BIN1: variants seen among roughly 807,000 people sequenced by gnomAD.
The protein encoded by BIN1 is myc box-dependent-interacting protein 1.
Under a neutral mutation model 82.0 loss-of-function variants are expected in BIN1, and 53 were observed. That is an observed-to-expected ratio of 0.65 (90% confidence interval 0.52 to 0.81). BIN1 has a LOEUF of 0.81. BIN1 is among the 40% of genes least tolerant of loss of function. BIN1 has a pLI of 0.00. For missense variants in BIN1, 642 were observed against 784.4 expected, an observed-to-expected ratio of 0.82 and a Z score of 2.17; for synonymous variants, 302 against 328.0, an observed-to-expected ratio of 0.92 and a Z score of 0.86.
In BIN1 at chr2:127,065,314, G is replaced by T. The variant is rs1046331327; in HGVS notation, c.613-1296C>A. Reference sequence around the variant, plus strand: ...AAGGCAGAATGGGGAGCGGGGGGTGGGGAAGAATGTCTATTCCAACATGCA... The same window carrying T: ...AAGGCAGAATGGGGAGCGGGGGGTGTGGAAGAATGTCTATTCCAACATGCA... On this transcript the variant is annotated intron_variant, in intron 7 of 18. Transcript: ENST00000316724. Among the ~76,000 whole-genome samples, 9 of 152,232 alleles carry T rather than the reference G, an allele frequency of 5.9e-5. No individual in the cohort carries two copies. In the East Asian group the frequency reaches 1.7e-3, roughly 29 times the overall value.
intron 1 of BIN1, among the ~76,000 whole-genome samples, chr2:127,094,950 G>A (rs1296885492): frequency 6.6e-6 from 1 of 152,202 alleles, no homozygotes; most frequent in Non-Finnish European, 1.5e-5. Context: ...CAGGCCCATG[G>A]TTCACCAGAC....
At chr2:127,078,421 G>A (rs1686891209) in intron 1 of BIN1, among the ~76,000 whole-genome samples, 1 of 152,204 alleles carries the variant, frequency 6.6e-6, no homozygotes, top group African/African-American at 2.4e-5. Context: ...AGCTCAGACA[G>A]AGGGGAGAGG....
intron 1 of BIN1, among the ~76,000 whole-genome samples, chr2:127,096,143 G>A (rs1040379263): frequency 6.6e-6 from 1 of 151,890 alleles, no homozygotes; most frequent in Non-Finnish European, 1.5e-5. Context: ...TCCAGCCTCG[G>A]CCCCACCTGC....
In BIN1 at chr2:127,100,999, C is replaced by CGGG. The variant is rs1553487375; in HGVS notation, c.84+5858_84+5860dup. ...AGACTTGCCCAAGGGTAGGAATGTGCGGGGGGTGGGGATAGACTCAAACTC... is the reference window on the plus strand; with the variant it reads ...AGACTTGCCCAAGGGTAGGAATGTGCGGGGGGGGGTGGGGATAGACTCAAACTC... On this transcript the variant is annotated intron_variant, in intron 1 of 18. Coordinates refer to ENST00000316724, the MANE Select transcript of BIN1 (RefSeq NM_139343.3). 4.5e-4 allele frequency among the ~76,000 whole-genome samples: 46 copies of CGGG among 101,642 alleles called. 1 individual carries two copies. Among genetic ancestry groups the CGGG allele is most frequent in the African/African-American group, 1.8e-3 (36 of 20,130 alleles). 66.7% of individuals were successfully genotyped at this position (101,642 alleles called of 152,430 possible).
intron 1 of BIN1, among the ~76,000 whole-genome samples, chr2:127,077,992 G>C (rs1686829501): frequency 1.3e-5 from 2 of 152,242 alleles, no homozygotes; most frequent in African/African-American, 4.8e-5. Flanking sequence ...CCCAGCATCT[G>C]CTGAGGCCAG....
chr2:127,060,689 G>A (rs1684332497), intron 10 of BIN1: 2 of 1,609,978 alleles, frequency 1.2e-6, no homozygotes, highest in Non-Finnish European at 1.7e-6. Context: ...AGAAAGGCCA[G>A]GTGCAGAACT....
chr2:127,107,108 G>A lies in BIN1; in HGVS notation c.-165C>T, dbSNP rs961239503. On this transcript the variant is annotated 5_prime_UTR_variant, in exon 1 of 19. Coordinates refer to ENST00000316724, the MANE Select transcript of BIN1 (RefSeq NM_139343.3). This position sits in a 1 kb window ranked among gnomAD's most constrained non-coding sequence, Gnocchi z 5.9. Reference sequence around the variant, plus strand: ...GACGGAGGCGGAGCGTGCGCCGGACGGGCGAGCGAGCCAGCGAGCTAGCCA... The same window carrying A: ...GACGGAGGCGGAGCGTGCGCCGGACAGGCGAGCGAGCCAGCGAGCTAGCCA... 7.0e-6 allele frequency: 5 copies of A among 709,552 alleles called. No homozygotes were observed. The South Asian group carries it at 1.2e-4, about 17-fold the overall frequency. 44.0% of individuals were successfully genotyped at this position (709,552 alleles called of 1,614,324 possible). A position where few individuals can be genotyped will look rare whatever the true frequency, so the allele number is the denominator to read the frequency against.
rs565760999 is a variant in BIN1, at chr2:127,069,125, G to A, written c.412-94C>T. 9.8e-5 allele frequency: 116 copies of A among 1,178,040 alleles called. No homozygotes were observed. The African/African-American group carries it at 1.6e-3, about 17-fold the overall frequency. 73.0% of individuals were successfully genotyped at this position (1,178,040 alleles called of 1,614,324 possible). ...CCTGGAGGGACCCGCAGGGCGGGCA[G>A]GAGACCCCAGCTCCACAGGAACCCT... On this transcript the variant is annotated intron_variant, in intron 5 of 18. Coordinates refer to ENST00000316724, the MANE Select transcript of BIN1 (RefSeq NM_139343.3).
Position 127,090,595 on chromosome 2 carries a change from T to A in BIN1, c.85-13889A>T, listed in dbSNP as rs1678794787. 6.6e-6 allele frequency among the ~76,000 whole-genome samples: 1 copy of A among 152,088 alleles called. No individual in the cohort carries two copies. The highest frequency in any genetic ancestry group is 1.5e-5 in the Non-Finnish European group (1 of 68,012). The stretch of plus-strand genomic sequence containing the variant: ...AATCTGCTTCTCCAGCCCACCCGCC[T>A]CCCACCCTCATCACCTGCTTCCTGA... On this transcript the variant is annotated intron_variant, in intron 1 of 18. Transcript: ENST00000316724. This position sits in a 1 kb window ranked among gnomAD's most constrained non-coding sequence, Gnocchi z 6.4.
chr2:127,056,010 C>T (rs926942595), intron 12 of BIN1: 2 of 152,250 alleles, frequency 1.3e-5, no homozygotes, highest in African/African-American at 4.8e-5. Context: ...CGGGTGGTCT[C>T]TGCACCACCT....
intron 7 of BIN1, among the ~76,000 whole-genome samples, chr2:127,065,626 TG>T (rs1366211595): frequency 6.6e-6 from 1 of 152,162 alleles, no homozygotes; most frequent in Non-Finnish European, 1.5e-5. Flanking sequence ...ACCCGGCTCC[TG>T]TACCCACTAG....
chr2:127,088,733 T>G (rs1200474446), intron 1 of BIN1, among the ~76,000 whole-genome samples: 1 of 146,640 alleles, frequency 6.8e-6, no homozygotes, highest in Admixed American at 6.9e-5. Flanking sequence ...AGCAAGACCG[T>G]ATCTCTTAAA....
Position 127,070,915 on chromosome 2 carries a change from TCTC to T in BIN1, c.166-102_166-100del, listed in dbSNP as rs898776408. ...CCCTCACGTGAATGAACCAGGCTGC[TCTC>T]CTGACAGCAGCCACTGATCAGCTGA... On this transcript the variant is annotated intron_variant, in intron 2 of 18. Transcript: ENST00000316724. The T allele has an allele frequency of 4.0e-6, 5 of 1,235,256 alleles. No individual in the cohort carries two copies. The African/African-American group carries it at 7.6e-5, about 19-fold the overall frequency. 76.5% of individuals were successfully genotyped at this position (1,235,256 alleles called of 1,614,324 possible).
chr2:127,094,999 G>T lies in BIN1; in HGVS notation c.84+11861C>A, dbSNP rs73953233. Among the ~76,000 whole-genome samples the T allele has an allele frequency of 1.7e-3, 262 of 152,318 alleles. 1 individual carries two copies. The highest frequency in any genetic ancestry group is 5.9e-3 in the African/African-American group (244 of 41,578). On this transcript the variant is annotated intron_variant, in intron 1 of 18. Coordinates refer to ENST00000316724, the MANE Select transcript of BIN1 (RefSeq NM_139343.3). ...TGGGCGGGTCAACTCGGGGAAGGCG[G>T]TGACATTCCAGCTCAGCCAGGCTGC... is the stretch of plus-strand genomic sequence containing the variant.
At chr2:127,096,104 C>T (rs1679571088) in intron 1 of BIN1, among the ~76,000 whole-genome samples, 1 of 152,202 alleles carries the variant, frequency 6.6e-6, no homozygotes, top group African/African-American at 2.4e-5. Flanking sequence ...CACCTCCACC[C>T]CCAGCCCTGT....
At chr2:127,049,615 G>A (rs1227625584) in intron 18 of BIN1, among the ~76,000 whole-genome samples, 1 of 152,220 alleles carries the variant, frequency 6.6e-6, no homozygotes, top group Non-Finnish European at 1.5e-5. Context: ...CAGGCCCTCT[G>A]TGCACAGCCC....
chr2:127,057,149 A>G lies in BIN1; in HGVS notation c.1131+324T>C, dbSNP rs3754620. 0.32 allele frequency among the ~76,000 whole-genome samples: 49,158 copies of G among 152,188 alleles called. 11,481 individuals are homozygous for G. Among genetic ancestry groups the G allele is most frequent in the African/African-American group, 0.67 (27,747 of 41,512 alleles). Reference sequence around the variant, plus strand: ...CCTGGCCCTGGAAGCCTTCCCTGACAGCCACACGTCCTCCACACTCCCCGA... The same window carrying G: ...CCTGGCCCTGGAAGCCTTCCCTGACGGCCACACGTCCTCCACACTCCCCGA... On this transcript the variant is annotated intron_variant, in intron 12 of 18. Transcript: ENST00000316724. The surrounding 1 kb of genome is among the most constrained non-coding windows in gnomAD (Gnocchi z 5.0).
At position 127,067,632 on chromosome 2, in the gene BIN1, A is replaced by G. The variant is rs1685315831; in HGVS notation, c.612+531T>C. Among the ~76,000 whole-genome samples the G allele has an allele frequency of 6.6e-6, 1 of 152,206 alleles. No homozygotes were observed. The highest frequency in any genetic ancestry group is 2.1e-4 in the South Asian group (1 of 4,836). ...CTCCAGAGTCACCACGGGGACCACAAGTCCGAGGAAAATGACGCAGGGGCT... is the reference window on the plus strand; with the variant it reads ...CTCCAGAGTCACCACGGGGACCACAGGTCCGAGGAAAATGACGCAGGGGCT... On this transcript the variant is annotated intron_variant, in intron 7 of 18. Coordinates refer to ENST00000316724, the MANE Select transcript of BIN1 (RefSeq NM_139343.3). This position sits in a 1 kb window ranked among gnomAD's most constrained non-coding sequence, Gnocchi z 4.7.
In BIN1 at chr2:127,090,079, C is replaced by T. The variant is rs1240463326; in HGVS notation, c.85-13373G>A. 1.3e-5 allele frequency among the ~76,000 whole-genome samples: 2 copies of T among 152,042 alleles called. No individual in the cohort carries two copies. The highest frequency in any genetic ancestry group is 2.4e-5 in the African/African-American group (1 of 41,386). On this transcript the variant is annotated intron_variant, in intron 1 of 18. Transcript: ENST00000316724. This position sits in a 1 kb window ranked among gnomAD's most constrained non-coding sequence, Gnocchi z 6.4. ...CAGTCCACTGCAGCATGGCCAGTTC[C>T]TTGGAACAGCATATACCAACCACCC...
Sources: gnomAD v4.1 joint callset for allele counts (sites outside exome capture counted in the v4.1 genomes callset) on GRCh38, gnomAD v4.1.1 for gene constraint, Gnocchi (gnomAD v3.1) non-coding constraint, MANE v1.5 for transcripts, NCBI Gene and HGNC (gene_info 2026-07-23, HGNC 2026-07-21) for gene names.